SIPA1L3: variants seen among roughly 807,000 people sequenced by gnomAD.
The protein encoded by SIPA1L3 is signal induced proliferation associated 1 like 3.
In SIPA1L3, 59 loss-of-function variants were observed where a neutral mutation model predicts 150.1. The observed-to-expected ratio is 0.39, with a 90% CI of 0.32 to 0.49. The LOEUF is 0.49. Ranked by LOEUF, SIPA1L3 falls within the 20% of genes least tolerant of loss-of-function variation. The pLI is 0.86. For missense variants in SIPA1L3, 2,211 were observed against 2,489.5 expected (o/e 0.89, Z 2.38); for synonymous variants, 1,070 against 1,077.6 (o/e 0.99, Z 0.14).
At chr19:38,010,092 C>A (rs576452269) in intron 1 of SIPA1L3, among the ~76,000 whole-genome samples, 3 of 152,262 alleles carry the variant, frequency 2.0e-5, no homozygotes, top group African/African-American at 7.2e-5. Context: ...TCCCTCCAGA[C>A]CCCCTCCCAG....
chr19:37,999,060 C>T (rs531005887), intron 1 of SIPA1L3, among the ~76,000 whole-genome samples: 3 of 151,984 alleles, frequency 2.0e-5, no homozygotes, highest in South Asian at 2.1e-4. Context: ...AAAAGCACTG[C>T]GATCCTGCTG....
At chr19:37,954,410 T>A (rs549031995) in intron 1 of SIPA1L3, among the ~76,000 whole-genome samples, 12 of 152,278 alleles carry the variant, frequency 7.9e-5, no homozygotes, top group Admixed American at 2.0e-4. Flanking sequence ...ATTGATGTTG[T>A]GTGTTTGGAG....
intron 1 of SIPA1L3, among the ~76,000 whole-genome samples, chr19:37,983,785 G>A (rs1028082363): frequency 1.3e-5 from 2 of 151,666 alleles, no homozygotes; most frequent in African/African-American, 4.8e-5. Context: ...ATGCATCTGA[G>A]GTCTCAGCTA....
At chr19:38,084,219 C>G (rs1970072374) in intron 3 of SIPA1L3, among the ~76,000 whole-genome samples, 1 of 151,906 alleles carries the variant, frequency 6.6e-6, no homozygotes, top group African/African-American at 2.4e-5. Flanking sequence ...TGTTTCCAGG[C>G]AGAGAAAAAG....
intron 13 of SIPA1L3, among the ~76,000 whole-genome samples, chr19:38,160,949 C>T (rs1972069729): frequency 6.6e-6 from 1 of 152,118 alleles, no homozygotes; most frequent in African/African-American, 2.4e-5. Context: ...TATGTGAAGA[C>T]CTATGGTGAA....
At chr19:38,051,838 G>A (rs371467629) in intron 2 of SIPA1L3, among the ~76,000 whole-genome samples, 6 of 152,264 alleles carry the variant, frequency 3.9e-5, no homozygotes, top group Admixed American at 3.9e-4. Context: ...CTCAAGTAGT[G>A]TTCCCGTCTT....
chr19:38,024,381 T>G (rs1968452658), intron 1 of SIPA1L3, among the ~76,000 whole-genome samples: 3 of 152,170 alleles, frequency 2.0e-5, no homozygotes, highest in Admixed American at 2.0e-4. Flanking sequence ...TAGGCCTGTT[T>G]TATAAAGCAG....
chr19:38,179,589 A>T (rs1028453754), intron 15 of SIPA1L3, among the ~76,000 whole-genome samples: 28 of 152,218 alleles, frequency 1.8e-4, no homozygotes, highest in African/African-American at 6.8e-4. Context: ...CTTTTCTCCA[A>T]TATTGTCCTA....
chr19:38,134,896 A>G (rs1211526698), intron 10 of SIPA1L3, among the ~76,000 whole-genome samples: 4 of 152,222 alleles, frequency 2.6e-5, no homozygotes, highest in South Asian at 4.1e-4. Context: ...CAGACCAGAA[A>G]GAGGACCTGC....
chr19:37,999,579 C>G (rs1017054682), intron 1 of SIPA1L3, among the ~76,000 whole-genome samples: 2 of 152,174 alleles, frequency 1.3e-5, no homozygotes, highest in African/African-American at 4.8e-5. Context: ...CGCAGTCCAT[C>G]TGGCACTGGG....
At chr19:37,960,710 C>T (rs756101052) in intron 1 of SIPA1L3, among the ~76,000 whole-genome samples, 9 of 151,520 alleles carry the variant, frequency 5.9e-5, no homozygotes. Flanking sequence ...CCCAGCCTCA[C>T]ACTCAGCTAA....
chr19:38,090,128 G>C (rs186724462), intron 4 of SIPA1L3, among the ~76,000 whole-genome samples: 1 of 152,046 alleles, frequency 6.6e-6, no homozygotes, highest in South Asian at 2.1e-4. Flanking sequence ...TCAGGAGTTC[G>C]AGACCAGCCT....
chr19:37,956,616 C>T (rs565322171), intron 1 of SIPA1L3, among the ~76,000 whole-genome samples: 8 of 151,438 alleles, frequency 5.3e-5, no homozygotes, highest in East Asian at 1.9e-4. Context: ...CCTGAGTAGC[C>T]GGGATTACAT....
At chr19:37,960,782 G>C (rs533107366) in intron 1 of SIPA1L3, among the ~76,000 whole-genome samples, 1 of 151,770 alleles carries the variant, frequency 6.6e-6, no homozygotes, top group African/African-American at 2.4e-5. Flanking sequence ...TTGAACTCCT[G>C]GACCCTAGCA....
chr19:38,205,160 A>T (rs746438565), intron 21 of SIPA1L3, among the ~76,000 whole-genome samples: 22 of 152,096 alleles, frequency 1.4e-4, no homozygotes, highest in Non-Finnish European at 2.9e-4. Context: ...ACTTGTCTCC[A>T]TGGGGCGGAA....
At chr19:37,989,365 G>A (rs1381209584) in intron 1 of SIPA1L3, among the ~76,000 whole-genome samples, 1 of 152,058 alleles carries the variant, frequency 6.6e-6, no homozygotes, top group Non-Finnish European at 1.5e-5. Context: ...GACTACAGGT[G>A]TGCGCCATCA....
At chr19:38,188,374 G>T (rs1018976653) in intron 16 of SIPA1L3, among the ~76,000 whole-genome samples, 2 of 151,584 alleles carry the variant, frequency 1.3e-5, no homozygotes, top group African/African-American at 4.8e-5. Context: ...TAGTAGAGAA[G>T]GGGTTTTACC....
intron 1 of SIPA1L3, among the ~76,000 whole-genome samples, chr19:37,950,285 A>G (rs897086593): frequency 6.6e-6 from 1 of 152,120 alleles, no homozygotes. Flanking sequence ...TCTGAGCCTG[A>G]TACACAGTAA....
At chr19:37,938,759 A>T (rs1476065940) in intron 1 of SIPA1L3, among the ~76,000 whole-genome samples, 1 of 150,808 alleles carries the variant, frequency 6.6e-6, no homozygotes, top group Non-Finnish European at 1.5e-5. Flanking sequence ...AGTAGTTGGG[A>T]TTGCAGGCAC....
Sources: gnomAD v4.1 joint callset for allele counts (sites outside exome capture counted in the v4.1 genomes callset) on GRCh38, gnomAD v4.1.1 for gene constraint, MANE v1.5 for transcripts, NCBI Gene and HGNC (gene_info 2026-07-23, HGNC 2026-07-21) for gene names.